Variants in CDK6 observed in about 807,000 individuals in gnomAD.
CDK6 encodes the protein cyclin dependent kinase 6, also known as cyclin-dependent kinase 6.
In CDK6, 6 loss-of-function variants were observed where a neutral mutation model predicts 37.1. The observed-to-expected ratio is 0.16, with a 90% CI of 0.09 to 0.32. The LOEUF (loss-of-function observed/expected upper bound fraction) is 0.32, where lower values mean the gene tolerates loss of function less well. Among genes scored for constraint, CDK6 ranks in the 10% least tolerant of loss-of-function variants. CDK6 has a pLI of 1.00. For synonymous variants in CDK6, 160 were observed against 161.3 expected (o/e 0.99, Z 0.06); for missense variants, 224 against 418.9 (o/e 0.53, Z 4.06).
At chr7:92,682,394 G>A (rs1427013772) in intron 4 of CDK6, among the ~76,000 whole-genome samples, 2 of 152,142 alleles carry the variant, frequency 1.3e-5, no homozygotes, top group African/African-American at 4.8e-5. Context: ...GCCTCATGTG[G>A]TCTTCCCATA....
intron 3 of CDK6, among the ~76,000 whole-genome samples, chr7:92,740,676 A>AT (rs1798900848): frequency 6.6e-6 from 1 of 152,180 alleles, no homozygotes; most frequent in Non-Finnish European, 1.5e-5. Flanking sequence ...AACCCCTTGA[A>AT]TAAATTCATA....
chr7:92,698,667 C>T (rs1201074139), intron 4 of CDK6, among the ~76,000 whole-genome samples: 7 of 152,126 alleles, frequency 4.6e-5, no homozygotes, highest in South Asian at 2.1e-4. Context: ...ACCCTGTCGT[C>T]GGTGTAATTC....
chr7:92,780,572 A>C (rs2115812068), intron 2 of CDK6, among the ~76,000 whole-genome samples: 1 of 152,136 alleles, frequency 6.6e-6, no homozygotes, highest in East Asian at 1.9e-4. Flanking sequence ...CAACCTGGCT[A>C]ACACGGTGAA....
intron 5 of CDK6, among the ~76,000 whole-genome samples, chr7:92,651,254 CCTAT>C (rs1796567483): frequency 6.6e-6 from 1 of 152,154 alleles, no homozygotes; most frequent in South Asian, 2.1e-4. Context: ...GAATAATCTC[CCTAT>C]GGTAAGGTTC....
intron 3 of CDK6, among the ~76,000 whole-genome samples, chr7:92,758,836 G>A (rs1242740025): frequency 6.6e-6 from 1 of 152,022 alleles, no homozygotes; most frequent in Non-Finnish European, 1.5e-5. Flanking sequence ...AATTTTCATT[G>A]CAGAGATTTT....
At chr7:92,633,876 T>C (rs535350364) in intron 5 of CDK6, among the ~76,000 whole-genome samples, 1 of 152,286 alleles carries the variant, frequency 6.6e-6, no homozygotes, top group South Asian at 2.1e-4. Context: ...GTGATAGGAA[T>C]GTAGTGTAGC....
chr7:92,645,870 C>T (rs1796434679), intron 5 of CDK6, among the ~76,000 whole-genome samples: 1 of 152,222 alleles, frequency 6.6e-6, no homozygotes, highest in African/African-American at 2.4e-5. Flanking sequence ...GCGGCTCACA[C>T]CCCGGCTGTA....
intron 2 of CDK6, among the ~76,000 whole-genome samples, chr7:92,798,594 A>G (rs923011085): frequency 1.3e-5 from 2 of 152,224 alleles, no homozygotes; most frequent in African/African-American, 2.4e-5. Flanking sequence ...TAATGTCTAC[A>G]TATCAGTGAA....
chr7:92,693,944 G>A (rs1797652667), intron 4 of CDK6, among the ~76,000 whole-genome samples: 1 of 152,198 alleles, frequency 6.6e-6, no homozygotes, highest in Admixed American at 6.5e-5. Context: ...AAGACCCCAT[G>A]TTGCCTCATG....
intron 2 of CDK6, among the ~76,000 whole-genome samples, chr7:92,805,065 A>C (rs1800689186): frequency 6.6e-6 from 1 of 152,204 alleles, no homozygotes; most frequent in South Asian, 2.1e-4. Context: ...CTCTAAATAA[A>C]CATATTGCCT....
intron 5 of CDK6, among the ~76,000 whole-genome samples, chr7:92,643,690 G>A (rs1796371322): frequency 6.6e-6 from 1 of 152,064 alleles, no homozygotes; most frequent in African/African-American, 2.4e-5. Flanking sequence ...TTATGACTTG[G>A]GTTCTGTTAA....
Position 92,683,559 on chromosome 7 carries a change from A to C in CDK6, c.538-12024T>G, listed in dbSNP as rs144782071. ...GGAAGCAGTCATGAAGGTATAGCTC[A>C]TTCAGCTCATTCTGCAGTACGCTCT... On this transcript the variant is annotated intron_variant, in intron 4 of 7. Coordinates refer to ENST00000424848, the MANE Select transcript of CDK6 (RefSeq NM_001145306.2). Among the ~76,000 whole-genome samples, 203 of 152,300 alleles carry C rather than the reference A, an allele frequency of 1.3e-3. 1 individual carries two copies. Among genetic ancestry groups the C allele is most frequent in the Admixed American group, 4.5e-3 (69 of 15,308 alleles).
chr7:92,766,637 C>CA (rs1024047517), intron 3 of CDK6, among the ~76,000 whole-genome samples: 3 of 151,744 alleles, frequency 2.0e-5, no homozygotes, highest in East Asian at 1.9e-4. Context: ...GAAGAAGAGC[C>CA]AAAAAAAGAG....
intron 5 of CDK6, among the ~76,000 whole-genome samples, chr7:92,624,206 T>C (rs938171986): frequency 1.3e-5 from 2 of 152,198 alleles, no homozygotes; most frequent in African/African-American, 4.8e-5. Flanking sequence ...GAAAAGAATT[T>C]ACTTATTGCA....
At chr7:92,666,260 C>G (rs572906442) in intron 5 of CDK6, among the ~76,000 whole-genome samples, 2 of 152,360 alleles carry the variant, frequency 1.3e-5, no homozygotes, top group African/African-American at 4.8e-5. Flanking sequence ...CTCTACACTT[C>G]TTCACAGCAT....
chr7:92,659,483 C>A (rs1202198668), intron 5 of CDK6, among the ~76,000 whole-genome samples: 1 of 152,052 alleles, frequency 6.6e-6, no homozygotes, highest in Non-Finnish European at 1.5e-5. Flanking sequence ...CTAGAAAATT[C>A]AAAAATACAT....
intron 7 of CDK6, among the ~76,000 whole-genome samples, chr7:92,616,509 C>G (rs1419859232): frequency 6.6e-6 from 1 of 152,112 alleles, no homozygotes; most frequent in African/African-American, 2.4e-5. Context: ...GAAGAAAGAG[C>G]TTGTCTGTAG....
At chr7:92,708,050 G>A (rs549174389) in intron 4 of CDK6, among the ~76,000 whole-genome samples, 24 of 152,192 alleles carry the variant, frequency 1.6e-4, no homozygotes, top group African/African-American at 5.3e-4. Context: ...GAGGGAAGAC[G>A]GGTGAATGAA....
chr7:92,762,159 G>A (rs545313123), intron 3 of CDK6, among the ~76,000 whole-genome samples: 1 of 152,074 alleles, frequency 6.6e-6, no homozygotes, highest in African/African-American at 2.4e-5. Flanking sequence ...AATCATAATG[G>A]GGGGGACAAG....
Sources: allele counts gnomAD v4.1 joint callset (sites outside exome capture counted in the v4.1 genomes callset), GRCh38; gene constraint gnomAD v4.1.1; transcripts MANE v1.5; gene names NCBI Gene and HGNC (gene_info 2026-07-23, HGNC 2026-07-21).